The following NPEPL1 variants were observed in gnomAD, a reference collection of about 807,000 sequenced individuals.
NPEPL1 encodes the protein probable aminopeptidase NPEPL1.
In NPEPL1, 45 loss-of-function variants were observed where a neutral mutation model predicts 52.4. The ratio of observed to expected loss-of-function variants is 0.86; its 90% CI spans 0.68 to 1.10. NPEPL1 has a LOEUF of 1.10. Ranked by LOEUF, NPEPL1 falls within the 50% of genes least tolerant of loss-of-function variation. NPEPL1 has a pLI of 0.00. For missense variants in NPEPL1, 696 were observed against 710.9 expected (o/e 0.98, Z 0.24); for synonymous variants, 360 against 314.7 (o/e 1.14, Z -1.52).
chr20:58,715,394 T>C lies in NPEPL1; in HGVS notation c.*68T>C. 13 of 1,427,450 alleles carry C rather than the reference T, an allele frequency of 9.1e-6. No individual in the cohort carries two copies. The highest frequency in any genetic ancestry group is 1.1e-5 in the Non-Finnish European group (12 of 1,077,350). 88.4% of individuals were successfully genotyped at this position (1,427,450 alleles called of 1,614,324 possible). ...CTTTGCACTGATTAATTTTAAGCAA[T>C]TGAAAGATTGCCCTTCATATGGGTT... On this transcript the variant is annotated 3_prime_UTR_variant, in exon 12 of 12. Coordinates refer to ENST00000356091, the MANE Select transcript of NPEPL1 (RefSeq NM_024663.4).
At chr20:58,691,697 T>TTTTTTTTTTTTTTTTTTTTTTC, upstream of NPEPL1, 1 of 177,766 alleles carries the variant, frequency 5.6e-6, no homozygotes, top group Non-Finnish European at 8.9e-6. Flanking sequence ...TCTTTTCTTT[T>TTTTTTTTTTTTTTTTTTTTTTC]TTTTTTTTTT....
upstream of NPEPL1, chr20:58,690,967 C>T (rs1414927552): frequency 3.5e-6 from 2 of 575,826 alleles, no homozygotes; most frequent in Admixed American, 5.7e-5. Flanking sequence ...TTTCCAGGAA[C>T]CTTCTGTTCT....
chr20:58,711,953 G>T lies in NPEPL1; in HGVS notation c.901-526G>T, dbSNP rs544677117. ...TGCTGCCCGGGTGTGGCCCGCTTCGGGGTCAGGGGGCACCCTTAGAACCTG... is the reference window on the plus strand; with the variant it reads ...TGCTGCCCGGGTGTGGCCCGCTTCGTGGTCAGGGGGCACCCTTAGAACCTG... On this transcript the variant is annotated intron_variant, in intron 7 of 11. Transcript: ENST00000356091. 3.0e-5 allele frequency among the ~76,000 whole-genome samples: 3 copies of T among 99,092 alleles called. No individual in the cohort carries two copies. In the Admixed American group the frequency reaches 3.5e-4, roughly 11 times the overall value. The allele number at this position is 99,092 out of a possible 152,430, so 65.0% of individuals were successfully genotyped here. A position where few individuals can be genotyped will look rare whatever the true frequency, so the allele number is the denominator to read the frequency against.
At chr20:58,708,566 C>T (rs376556938) in intron 7 of NPEPL1, among the ~76,000 whole-genome samples, 6 of 151,888 alleles carry the variant, frequency 4.0e-5, no homozygotes, top group East Asian at 1.9e-4. Context: ...CAGAGCCTGT[C>T]GGAAGAGGCT....
At chr20:58,699,426 A>G (rs2084564806) in intron 5 of NPEPL1, 148 bp downstream of exon 5, 2 of 651,278 alleles carry the variant, frequency 3.1e-6, no homozygotes, top group African/African-American at 3.7e-5. Flanking sequence ...GTCCAAGCCC[A>G]GTGCCGGACC....
intron 3 of NPEPL1, among the ~76,000 whole-genome samples, chr20:58,697,070 C>T (rs923499931): frequency 6.6e-6 from 1 of 152,250 alleles, no homozygotes; most frequent in Non-Finnish European, 1.5e-5. Flanking sequence ...TCTTCTGTAG[C>T]AGGGACTGGG....
intron 3 of NPEPL1, among the ~76,000 whole-genome samples, chr20:58,694,843 G>A (rs1012100909): frequency 2.0e-5 from 3 of 152,244 alleles, no homozygotes; most frequent in African/African-American, 7.2e-5. Context: ...ATCAGTGCCA[G>A]GAACGTCCAT....
At chr20:58,704,525 C>A in intron 6 of NPEPL1, 1 of 322,640 alleles carries the variant, frequency 3.1e-6, no homozygotes, top group Non-Finnish European at 4.5e-6. Flanking sequence ...TGCATGTTAT[C>A]ATAAATAATT....
intron 5 of NPEPL1, among the ~76,000 whole-genome samples, chr20:58,699,980 G>A (rs1347573938): frequency 6.6e-6 from 1 of 152,232 alleles, no homozygotes; most frequent in Non-Finnish European, 1.5e-5. Context: ...TCAGGTTGTT[G>A]GCTGGGGCTG....
chr20:58,693,751 C>T lies in NPEPL1; in HGVS notation c.165C>T (p.Ala55=). ...TTCTGATCTAGCTCTGGCAGGCTGC[C>T]CTGAGCACGCTCAACCCCAACCCCA... ...PRVTEELWQA[A]LSTLNPNPTD... Residue 55 remains alanine (A), a synonymous_variant, in exon 2 of 12, where the codon GCC becomes GCT. Transcript: ENST00000356091. 6.2e-7 allele frequency: 1 copy of T among 1,607,728 alleles called. No individual in the cohort carries two copies. The highest frequency in any genetic ancestry group is 8.5e-7 in the Non-Finnish European group (1 of 1,175,162).
intron 6 of NPEPL1, among the ~76,000 whole-genome samples, chr20:58,701,921 C>T (rs549607024): frequency 2.1e-3 from 318 of 152,284 alleles, no homozygotes; most frequent in African/African-American, 6.7e-3. Flanking sequence ...CCGTCGTGGC[C>T]GAGTCTGCCC....
intron 6 of NPEPL1, among the ~76,000 whole-genome samples, chr20:58,701,460 G>A (rs1390950031): frequency 2.0e-5 from 3 of 150,980 alleles, no homozygotes; most frequent in Non-Finnish European, 4.4e-5. Flanking sequence ...TGGGGGTTCT[G>A]GGTTGGGGTG....
At position 58,693,872 on chromosome 20, in the gene NPEPL1, A is replaced by G; in HGVS notation, c.286A>G (p.Thr96Ala). 6.8e-6 allele frequency: 11 copies of G among 1,613,110 alleles called. No homozygotes were observed. Among genetic ancestry groups the G allele is most frequent in the Non-Finnish European group, 9.3e-6 (11 of 1,179,570 alleles). Reference sequence around the variant, plus strand: ...CAGCCCCTCGGCCGCCCACTTCATCACGCGGCTGGTGCGGACCTGCCTGCC... The same window carrying G: ...CAGCCCCTCGGCCGCCCACTTCATCGCGCGGCTGGTGCGGACCTGCCTGCC... ...HNSPSAAHFI[T>A]RLVRTCLPPG... Residue 96 changes from threonine (T) to alanine (A), a missense_variant, in exon 2 of 12, where the codon ACG becomes GCG. By Grantham distance (58) the Thr-to-Ala change is moderately conservative. Coordinates refer to ENST00000356091, the MANE Select transcript of NPEPL1 (RefSeq NM_024663.4).
At chr20:58,690,403 GA>G (rs2084326543), upstream of NPEPL1, among the ~76,000 whole-genome samples, 1 of 152,164 alleles carries the variant, frequency 6.6e-6, no homozygotes, top group Non-Finnish European at 1.5e-5. Flanking sequence ...GTAAGCCATG[GA>G]TTAATACCTT....
Position 58,714,599 on chromosome 20 carries a change from A to G in NPEPL1, c.1342A>G (p.Ile448Val), listed in dbSNP as rs1168380479. 2 of 1,595,614 alleles carry G rather than the reference A, an allele frequency of 1.3e-6. No individual in the cohort carries two copies. The highest frequency in any genetic ancestry group is 1.1e-5 in the South Asian group (1 of 88,282). ...NSPSSCAGLF[I>V]ASHIGFDWPG... ...CCCCAGCTCCTGTGCTGGCCTCTTCATCGCCTCACACATCGGCTTCGACTG... is the reference window on the plus strand; with the variant it reads ...CCCCAGCTCCTGTGCTGGCCTCTTCGTCGCCTCACACATCGGCTTCGACTG... The change falls in exon 11 of 12, where the codon ATC (isoleucine) becomes GTC (valine). Residue 448 changes from isoleucine to valine, a missense_variant. Physicochemically the swap from Ile to Val is conservative, Grantham distance 29. Transcript: ENST00000356091.
At chr20:58,693,425 A>G (rs1195373976) in intron 1 of NPEPL1, 1 of 283,912 alleles carries the variant, frequency 3.5e-6, no homozygotes, top group African/African-American at 2.2e-5. Flanking sequence ...CCTTGGGGAC[A>G]CCTGGCCCCT....
intron 6 of NPEPL1, chr20:58,704,245 A>AAAGC: frequency 1.0e-6 from 1 of 985,290 alleles, no homozygotes; most frequent in East Asian, 1.1e-4. Context: ...CACTCCTCAA[A>AAAGC]AAGCAAGCCG....
intron 5 of NPEPL1, among the ~76,000 whole-genome samples, chr20:58,700,196 A>G (rs573493223): frequency 6.6e-6 from 1 of 152,320 alleles, no homozygotes; most frequent in Admixed American, 6.5e-5. Context: ...TTTTTCTGTG[A>G]CCTAATCCCA....
rs555632047 is a variant in NPEPL1 at position 58,712,540 on chromosome 20, C to T, written c.962C>T (p.Ala321Val). 1.9e-6 allele frequency: 3 copies of T among 1,613,540 alleles called. No individual in the cohort carries two copies. The highest frequency in any genetic ancestry group is 2.2e-5 in the South Asian group (2 of 91,046). The change falls in exon 8 of 12, where the codon GCG (alanine) becomes GTG (valine). Residue 321 changes from alanine (A) to valine (V), a missense_variant. Transcript: ENST00000356091. ...CLAENSVGPN[A>V]TRPDDIHLLY... ...GCTGAGAACTCGGTGGGGCCCAATG[C>T]GACAAGGCCAGATGACATCCACCTG...
Sources: gnomAD v4.1 joint callset for allele counts (sites outside exome capture counted in the v4.1 genomes callset) on GRCh38, gnomAD v4.1.1 for gene constraint, MANE v1.5 for transcripts, NCBI Gene and HGNC (gene_info 2026-07-23, HGNC 2026-07-21) for gene names.